RPL10: variants seen among roughly 807,000 people sequenced by gnomAD.
RPL10 encodes ribosomal protein L10, also known as large ribosomal subunit protein uL16.
A neutral mutation model predicts 15.7 loss-of-function variants in RPL10; 1 was observed. The ratio of observed to expected loss-of-function variants is 0.06; its 90% CI spans 0.02 to 0.30. The LOEUF (loss-of-function observed/expected upper bound fraction) is 0.30. Ranked by LOEUF, RPL10 falls within the 10% of genes least tolerant of loss-of-function variation. The pLI, the probability that RPL10 is intolerant of heterozygous loss-of-function variation, is 1.00. For missense variants in RPL10, 54 were observed against 183.4 expected (o/e 0.29, Z 4.08); for synonymous variants, 59 against 64.0 (o/e 0.92, Z 0.37).
At chrX:154,398,668 C>T (rs2067960124) in intron 2 of RPL10, 126 bp downstream of exon 2, 2 of 802,816 alleles carry the variant, frequency 2.5e-6, no homozygotes, top group Admixed American at 2.4e-5. Context: ...GGAACTGACC[C>T]TATGTTTTAC....
chrX:154,401,132 A>C lies in RPL10; in HGVS notation c.*278A>C. The C allele has an allele frequency of 1.7e-6, 1 of 591,560 alleles. No individual in the cohort carries two copies. The highest frequency in any genetic ancestry group is 2.5e-6 in the Non-Finnish European group (1 of 405,443). 48.8% of individuals were successfully genotyped at this position (591,560 alleles called of 1,213,427 possible). A position where few individuals can be genotyped will look rare whatever the true frequency, so the allele number is the denominator to read the frequency against. On this transcript the variant is annotated 3_prime_UTR_variant, in exon 7 of 7. Coordinates refer to ENST00000369817, the MANE Select transcript of RPL10 (RefSeq NM_006013.5). ...CTAGGCAGTAGGTTGAAAAACACTG[A>C]AGTGCTTTTCATGAAGCACAGCTGC...
rs1557186203 is a variant in RPL10 at position 154,401,343 on chromosome X, CA to C, written c.*490del. On this transcript the variant is annotated 3_prime_UTR_variant, in exon 7 of 7. Transcript: ENST00000369817. ...TTGGCCATTCCTCCTTGGTGGGAAT[CA>C]TCCAGGTACTGCTGAGGTCACCTGC... The C allele has an allele frequency of 3.0e-4, 53 of 179,637 alleles. No individual in the cohort carries two copies. In the South Asian group the frequency reaches 4.5e-3, roughly 15 times the overall value. 14.8% of individuals were successfully genotyped at this position (179,637 alleles called of 1,213,427 possible).
chrX:154,400,258 T>G (rs1557185641), intron 5 of RPL10: 1 of 576,762 alleles, frequency 1.7e-6, no homozygotes, highest in Non-Finnish European at 3.1e-6. Flanking sequence ...CAGTGGCGCC[T>G]TTTCAGTGGT....
intron 2 of RPL10, 56 bp from the exon 3 acceptor site, chrX:154,399,282 G>T: frequency 3.5e-6 from 4 of 1,154,576 alleles, no homozygotes; most frequent in South Asian, 3.6e-5. Context: ...GGGGCAAAGT[G>T]CCTGTTGGGC....
chrX:154,400,235 T>C, intron 5 of RPL10: 1 of 567,046 alleles, frequency 1.8e-6, no homozygotes. Context: ...TAGCTGAAGC[T>C]GGCAGAGGAG....
upstream of RPL10, chrX:154,398,159 C>A: frequency 2.5e-6 from 1 of 403,141 alleles, no homozygotes; most frequent in Non-Finnish European, 4.5e-6. Context: ...GACCATGTGG[C>A]GAAGCCCCAT....
intron 6 of RPL10, 37 bp downstream of exon 6, chrX:154,400,663 C>G: frequency 8.3e-7 from 1 of 1,211,225 alleles, no homozygotes; most frequent in Non-Finnish European, 1.1e-6. Flanking sequence ...CCACCTTTGC[C>G]CCAGGCCTCC....
At chrX:154,400,105 C>A in intron 5 of RPL10, 164 bp downstream of exon 5, 1 of 607,421 alleles carries the variant, frequency 1.6e-6, no homozygotes, top group Non-Finnish European at 2.7e-6. Context: ...CCCCTTCCTG[C>A]AGATACAAAC....
Position 154,401,185 on chromosome X carries a change from G to A in RPL10, c.*331G>A. ...CAAAGCCTTGCAATCCCAGGCTGGG[G>A]TCAGCCTACAGTTGTGTTGCTTATT... On this transcript the variant is annotated 3_prime_UTR_variant, in exon 7 of 7. Coordinates refer to ENST00000369817, the MANE Select transcript of RPL10 (RefSeq NM_006013.5). 2.8e-6 allele frequency: 1 copy of A among 352,227 alleles called. No individual in the cohort carries two copies. Among genetic ancestry groups the A allele is most frequent in the Non-Finnish European group, 4.8e-6 (1 of 207,406 alleles). 29.0% of individuals were successfully genotyped at this position (352,227 alleles called of 1,213,427 possible).
At chrX:154,400,102 C>T (rs2148139553) in intron 5 of RPL10, 161 bp downstream of exon 5, 1 of 626,827 alleles carries the variant, frequency 1.6e-6, no homozygotes, top group East Asian at 3.4e-5. Flanking sequence ...GGACCCCTTC[C>T]TGCAGATACA....
chrX:154,400,853 G>C lies in RPL10; in HGVS notation c.644G>C (p.Ter215SerextTer14). 1 of 1,211,349 alleles carries C rather than the reference G, an allele frequency of 8.3e-7. No homozygotes were observed. Residue 215 changes from the stop codon to serine, a stop_lost, in exon 7 of 7, where the codon TGA (stop) becomes TCA (serine). Coordinates refer to ENST00000369817, the MANE Select transcript of RPL10 (RefSeq NM_006013.5). ...PLDKWRALHS[*>S] is the part of the protein sequence containing the mutation. ...GACAAGTGGCGGGCCCTGCACTCAT[G>C]AGGGCTTCCAATGTGCTGCCCCCCT...
intron 4 of RPL10, 78 bp downstream of exon 4, chrX:154,399,672 G>A (rs1413421179): frequency 6.9e-6 from 8 of 1,153,299 alleles, no homozygotes. Context: ...ACACTGCACT[G>A]GAATTGGGAG....
rs41311694 is a variant in RPL10, at chrX:154,402,196, C to G, written c.*1342C>G. 1,194 of 123,738 alleles carry G rather than the reference C, an allele frequency of 9.6e-3. 8 individuals are homozygous for G. The highest frequency in any genetic ancestry group is 0.036 in the Middle Eastern group (9 of 253). The allele number at this position is 123,738 out of a possible 1,213,427, so 10.2% of individuals were successfully genotyped here. A position where few individuals can be genotyped will look rare whatever the true frequency, so the allele number is the denominator to read the frequency against. On this transcript the variant is annotated 3_prime_UTR_variant, in exon 7 of 7. Coordinates refer to ENST00000369817, the MANE Select transcript of RPL10 (RefSeq NM_006013.5). ...GCATTGTTCACCGGATTATAATGAG[C>G]CAAAATGTTTCCCGGTGTTTGCTGG... is the stretch of plus-strand genomic sequence containing the variant.
upstream of RPL10, chrX:154,398,230 G>A (rs1381054334): frequency 2.3e-5 from 11 of 487,280 alleles, no homozygotes; most frequent in Non-Finnish European, 4.1e-5. Flanking sequence ...CGCATGTGCT[G>A]GGCTACGCCC....
In RPL10 at chrX:154,401,296, G is replaced by C. The variant is rs181381143; in HGVS notation, c.*442G>C. The C allele has an allele frequency of 2.6e-4, 56 of 214,842 alleles. No homozygotes were observed. The highest frequency in any genetic ancestry group is 3.5e-4 in the Non-Finnish European group (41 of 116,355). 17.7% of individuals were successfully genotyped at this position (214,842 alleles called of 1,213,427 possible). A position where few individuals can be genotyped will look rare whatever the true frequency, so the allele number is the denominator to read the frequency against. On this transcript the variant is annotated 3_prime_UTR_variant, in exon 7 of 7. Coordinates refer to ENST00000369817, the MANE Select transcript of RPL10 (RefSeq NM_006013.5). Reference sequence around the variant, plus strand: ...GCAAGGGTAGGTGTGCATCACATTGGGCTTGTTCTCACCCATCTGGTTTGG... The same window carrying C: ...GCAAGGGTAGGTGTGCATCACATTGCGCTTGTTCTCACCCATCTGGTTTGG...
intron 2 of RPL10, 157 bp downstream of exon 2, chrX:154,398,699 T>G: frequency 1.6e-6 from 1 of 625,892 alleles, no homozygotes; most frequent in Non-Finnish European, 2.6e-6. Context: ...TATTTTTTAG[T>G]CTGCAATATT....
At chrX:154,398,700 C>T (rs1156523146) in intron 2 of RPL10, 158 bp downstream of exon 2, 15 of 624,247 alleles carry the variant, frequency 2.4e-5, no homozygotes, top group African/African-American at 4.4e-5. Flanking sequence ...ATTTTTTAGT[C>T]TGCAATATTA....
Position 154,398,781 on chromosome X carries a change from A to G in RPL10, c.23+239A>G, listed in dbSNP as rs782804045. Reference sequence around the variant, plus strand: ...CTCGTATCTCTGCCTGTGTCCTGCAAGCTCACCGCATTTTCGGGCGCTAGA... The same window carrying G: ...CTCGTATCTCTGCCTGTGTCCTGCAGGCTCACCGCATTTTCGGGCGCTAGA... On this transcript the variant is annotated intron_variant, in intron 2 of 6. Transcript: ENST00000369817. The G allele has an allele frequency of 2.7e-5, 12 of 445,183 alleles. 1 individual carries two copies. Among genetic ancestry groups the G allele is most frequent in the East Asian group, 2.7e-4 (7 of 25,993 alleles). 36.7% of individuals were successfully genotyped at this position (445,183 alleles called of 1,213,427 possible).
intron 4 of RPL10, 43 bp downstream of exon 4, chrX:154,399,637 C>T (rs1557185380): frequency 5.1e-6 from 6 of 1,173,689 alleles, no homozygotes; most frequent in Admixed American, 2.2e-5. Context: ...GTCCTTCCTC[C>T]GTGCTCCCTC....
Sources: allele counts gnomAD v4.1 joint callset, GRCh38; gene constraint gnomAD v4.1.1; transcripts MANE v1.5; gene names NCBI Gene and HGNC (gene_info 2026-07-23, HGNC 2026-07-21).